PPIL3: variants seen among roughly 807,000 people sequenced by gnomAD.
The protein encoded by PPIL3 is peptidyl-prolyl cis-trans isomerase-like 3.
In PPIL3, 13 loss-of-function variants were observed where a neutral mutation model predicts 20.9. The ratio of observed to expected loss-of-function variants is 0.62; its 90% CI spans 0.40 to 0.99. The LOEUF is 0.99. Ranked by LOEUF, PPIL3 falls within the 50% of genes least tolerant of loss-of-function variation. The pLI is 0.00. For synonymous variants in PPIL3, 71 were observed against 64.4 expected, an observed-to-expected ratio of 1.10 and a Z score of -0.49; for missense variants, 170 against 195.2, an observed-to-expected ratio of 0.87 and a Z score of 0.77.
Position 200,882,779 on chromosome 2 carries a change from G to A in PPIL3, c.79-344C>T, listed in dbSNP as rs115553900. ...AAATTAGCTGGGTGTGGTGGCAGGCGCCTCCAACTACTCTGGAGGCTGAGG... is the reference window on the plus strand; with the variant it reads ...AAATTAGCTGGGTGTGGTGGCAGGCACCTCCAACTACTCTGGAGGCTGAGG... On this transcript the variant is annotated intron_variant, in intron 3 of 6. Coordinates refer to ENST00000392283, the MANE Select transcript of PPIL3 (RefSeq NM_130906.3). Among the ~76,000 whole-genome samples the A allele has an allele frequency of 9.7e-3, 1,463 of 151,566 alleles. 19 individuals carry two copies. The highest frequency in any genetic ancestry group is 0.034 in the African/African-American group (1,395 of 41,320).
intron 3 of PPIL3, 151 bp from the exon 4 acceptor site, chr2:200,882,586 C>T: frequency 1.6e-6 from 1 of 643,790 alleles, no homozygotes; most frequent in Non-Finnish European, 2.8e-6. Flanking sequence ...TACAACACTT[C>T]AATAGCTTCC....
intron 3 of PPIL3, among the ~76,000 whole-genome samples, chr2:200,884,140 A>G (rs1015209373): frequency 5.4e-5 from 4 of 74,486 alleles, no homozygotes; most frequent in Non-Finnish European, 1.0e-4. Context: ...GGCCGGGTGC[A>G]GTGGCTTTGG....
rs1374548857 is a variant in PPIL3 at position 200,871,442 on chromosome 2, C to T, written c.439G>A (p.Val147Ile). Reference sequence around the variant, plus strand: ...TGAATAGTTATGTCCTTAATGTGTACATCATTAAGAGGTCGGTATGTCTTC... The same window carrying T: ...TGAATAGTTATGTCCTTAATGTGTATATCATTAAGAGGTCGGTATGTCTTC... ...NEKTYRPLND[V>I]HIKDITIHAN... The change falls in exon 7 of 7, where the codon GTA becomes ATA. Residue 147 changes from valine to isoleucine, a missense_variant. Physicochemically the swap from Val to Ile is conservative, Grantham distance 29. Coordinates refer to ENST00000392283, the MANE Select transcript of PPIL3 (RefSeq NM_130906.3). The T allele has an allele frequency of 3.1e-6, 5 of 1,608,332 alleles. No individual in the cohort carries two copies. Among genetic ancestry groups the T allele is most frequent in the Non-Finnish European group, 4.3e-6 (5 of 1,174,984 alleles).
intron 5 of PPIL3, 150 bp from the exon 6 acceptor site, chr2:200,877,187 C>T: frequency 1.7e-6 from 1 of 603,736 alleles, no homozygotes; most frequent in Admixed American, 2.8e-5. Flanking sequence ...TCTCTAACTC[C>T]TAGGCTCAAG....
chr2:200,878,850 A>AT (rs955010719), intron 5 of PPIL3, among the ~76,000 whole-genome samples: 12 of 152,238 alleles, frequency 7.9e-5, no homozygotes, highest in African/African-American at 2.4e-4. Context: ...GTTTATTACT[A>AT]TTTTTTTACT....
At position 200,871,512 on chromosome 2, in the gene PPIL3, A is replaced by T; in HGVS notation, c.369T>A (p.Asp123Glu). Residue 123 changes from aspartate to glutamate, a missense_variant, in exon 7 of 7, where the codon GAT becomes GAA. Asp to Glu is a conservative substitution (Grantham distance 45). Coordinates refer to ENST00000392283, the MANE Select transcript of PPIL3 (RefSeq NM_130906.3). ...CCAACTCATCTAGAGTTTCCAGACCATCTATTACCCTGAAAGAGAAACAAC... is the reference window on the plus strand; with the variant it reads ...CCAACTCATCTAGAGTTTCCAGACCTTCTATTACCCTGAAAGAGAAACAAC... ...MKYTVFGKVI[D>E]GLETLDELEK... 6.2e-7 allele frequency: 1 copy of T among 1,611,730 alleles called. No individual in the cohort carries two copies. Among genetic ancestry groups the T allele is most frequent in the Non-Finnish European group, 8.5e-7 (1 of 1,178,830 alleles).
intron 3 of PPIL3, among the ~76,000 whole-genome samples, chr2:200,882,849 G>A (rs1277326150): frequency 4.7e-5 from 7 of 149,526 alleles, no homozygotes; most frequent in East Asian, 2.0e-4. Context: ...GCAGTGAGCC[G>A]AGATCGCACC....
At chr2:200,882,247 A>G in intron 4 of PPIL3, 95 bp downstream of exon 4, 1 of 879,748 alleles carries the variant, frequency 1.1e-6, no homozygotes, top group Admixed American at 2.1e-5. Context: ...AAACAAAACA[A>G]AACAAAAACT....
Position 200,882,444 on chromosome 2 carries a change from A to G in PPIL3, c.79-9T>C. The G allele has an allele frequency of 2.0e-6, 3 of 1,524,494 alleles. No individual in the cohort carries two copies. In the South Asian group the frequency reaches 3.4e-5, roughly 17 times the overall value. 94.4% of individuals were successfully genotyped at this position (1,524,494 alleles called of 1,614,324 possible). On this transcript the variant is annotated splice_polypyrimidine_tract_variant and intron_variant, in intron 3 of 6. Coordinates refer to ENST00000392283, the MANE Select transcript of PPIL3 (RefSeq NM_130906.3). Reference sequence around the variant, plus strand: ...CAAAGAGCCAAGAAATTCTGAAGGGAGTAAAAATGATTGAGAAATGATGCA... The same window carrying G: ...CAAAGAGCCAAGAAATTCTGAAGGGGGTAAAAATGATTGAGAAATGATGCA...
intron 6 of PPIL3, among the ~76,000 whole-genome samples, chr2:200,875,729 C>A (rs1295537555): frequency 6.6e-6 from 1 of 151,962 alleles, no homozygotes; most frequent in East Asian, 1.9e-4. Flanking sequence ...TGTGTCACCA[C>A]ACTTGGCTAA....
intron 5 of PPIL3, among the ~76,000 whole-genome samples, chr2:200,879,443 T>C (rs2039639422): frequency 6.6e-6 from 1 of 152,078 alleles, no homozygotes; most frequent in Non-Finnish European, 1.5e-5. Flanking sequence ...TAACTCTGCC[T>C]GCAAAAGAAT....
rs1223144197 is a variant in PPIL3, at chr2:200,875,231, G to A, written c.359+1688C>T. 2.0e-5 allele frequency among the ~76,000 whole-genome samples: 3 copies of A among 152,060 alleles called. No individual in the cohort carries two copies. The East Asian group carries it at 5.8e-4, about 29-fold the overall frequency. ...ATACATTTTCTACCCTCCATTGTAG[G>A]TAAGGAGTGGTCACATTACTAAGTT... On this transcript the variant is annotated intron_variant, in intron 6 of 6. Transcript: ENST00000392283.
chr2:200,889,204 T>A (rs138655294), upstream of PPIL3: 582 of 374,834 alleles, frequency 1.6e-3, 6 homozygotes, highest in African/African-American at 0.011. Flanking sequence ...GGAGCTCTAC[T>A]AATAATTGCA....
chr2:200,885,828 ATTGT>A (rs1575116971), intron 2 of PPIL3, 56 bp from the exon 3 acceptor site: 4 of 1,061,954 alleles, frequency 3.8e-6, no homozygotes, highest in South Asian at 1.4e-5. Flanking sequence ...GACTTTATGC[ATTGT>A]TTATTTCCCT....
In PPIL3 at chr2:200,885,715, TCCTC is replaced by T; in HGVS notation, c.57_60del (p.Arg20HisfsTer93). The T allele has an allele frequency of 6.3e-7, 1 of 1,579,116 alleles. No homozygotes were observed. The highest frequency in any genetic ancestry group is 8.7e-7 in the Non-Finnish European group (1 of 1,150,436). On this transcript the variant is annotated frameshift_variant, in exon 3 of 7. Coordinates refer to ENST00000392283, the MANE Select transcript of PPIL3 (RefSeq NM_130906.3). LOFTEE classifies it high-confidence loss of function. Reference sequence around the variant, plus strand: ...GTACTTACCTCACATGTTTTGGGTGTCCTCTCACAGAAGACTTCAATTTTAATAT... The same window carrying T: ...GTACTTACCTCACATGTTTTGGGTGTTCACAGAAGACTTCAATTTTAATAT...
At chr2:200,871,650 T>A in intron 6 of PPIL3, 129 bp from the exon 7 acceptor site, 1 of 763,962 alleles carries the variant, frequency 1.3e-6, no homozygotes, top group Non-Finnish European at 2.0e-6. Flanking sequence ...TAGTTGAATG[T>A]ACAACAAAAT....
intron 6 of PPIL3, among the ~76,000 whole-genome samples, chr2:200,875,399 C>T (rs550726647): frequency 6.6e-6 from 1 of 151,914 alleles, no homozygotes; most frequent in Non-Finnish European, 1.5e-5. Flanking sequence ...TCCTGAGTAG[C>T]TGGAATTACA....
intron 5 of PPIL3, among the ~76,000 whole-genome samples, chr2:200,878,522 T>C (rs1160013189): frequency 6.6e-6 from 1 of 152,040 alleles, no homozygotes; most frequent in Non-Finnish European, 1.5e-5. Flanking sequence ...CCTGAGTAGC[T>C]GAGACTACAG....
At chr2:200,882,221 C>G in intron 4 of PPIL3, 121 bp downstream of exon 4, 1 of 717,840 alleles carries the variant, frequency 1.4e-6, no homozygotes, top group Non-Finnish European at 2.4e-6. Flanking sequence ...ACTTGTAGAA[C>G]AGAACTTATT....
Sources: allele counts gnomAD v4.1 joint callset (sites outside exome capture counted in the v4.1 genomes callset), GRCh38; gene constraint gnomAD v4.1.1; transcripts MANE v1.5; gene names NCBI Gene and HGNC (gene_info 2026-07-23, HGNC 2026-07-21).